ZNF611: variants seen among roughly 807,000 people sequenced by gnomAD.
ZNF611 encodes zinc finger protein 611.
Under a neutral mutation model 8.9 loss-of-function variants are expected in ZNF611, and 6 were observed. That is an observed-to-expected ratio of 0.68 (90% CI 0.37 to 1.34). ZNF611 has a LOEUF of 1.34. ZNF611 is among the 40% of genes most tolerant of loss of function. The pLI is 0.02. For missense variants in ZNF611, 874 were observed against 841.3 expected, an observed-to-expected ratio of 1.04 and a Z score of -0.48; for synonymous variants, 262 against 279.7, an observed-to-expected ratio of 0.94 and a Z score of 0.63.
intron 3 of ZNF611, among the ~76,000 whole-genome samples, chr19:52,721,436 C>T (rs563008662): frequency 5.9e-5 from 9 of 152,290 alleles, no homozygotes; most frequent in Admixed American, 2.0e-4. Flanking sequence ...CCCGGCACCT[C>T]GGGAGGCCAA....
chr19:52,732,648 G>A (rs1600340064), intron 1 of ZNF611, among the ~76,000 whole-genome samples: 3 of 151,420 alleles, frequency 2.0e-5, no homozygotes, highest in South Asian at 2.1e-4. Context: ...TGAGGGCTAA[G>A]TAGGCCAGAC....
At chr19:52,712,456 TAAAAAAAAAAAAAAA>T (rs55649603) in intron 5 of ZNF611, among the ~76,000 whole-genome samples, 1 of 37,436 alleles carries the variant, frequency 2.7e-5, no homozygotes, top group African/African-American at 1.1e-4. Context: ...CTGTCTCTAC[TAAAAAAAAAAAAAAA>T]AAAAAAAAAA....
intron 3 of ZNF611, among the ~76,000 whole-genome samples, chr19:52,726,722 GTT>G (rs56146245): frequency 0.013 from 1,716 of 130,284 alleles, 8 homozygotes; most frequent in Middle Eastern, 0.029. Flanking sequence ...TCGGCCTTGT[GTT>G]TTTTTTTTTT....
At chr19:52,721,669 T>C (rs7258609) in intron 3 of ZNF611, among the ~76,000 whole-genome samples, 8,702 of 137,216 alleles carry the variant, frequency 0.063, 819 homozygotes, top group African/African-American at 0.22. Context: ...CCGTGGAAAG[T>C]GAGAGGGGAA....
chr19:52,714,457 G>T (rs1317439921), intron 4 of ZNF611, among the ~76,000 whole-genome samples: 3 of 151,940 alleles, frequency 2.0e-5, no homozygotes, highest in East Asian at 1.9e-4. Context: ...GGAGGCCAAG[G>T]CGGGCAGATT....
intron 5 of ZNF611, chr19:52,711,164 C>G (rs1465379721): frequency 6.6e-6 from 1 of 151,854 alleles, no homozygotes; most frequent in Non-Finnish European, 1.5e-5. Context: ...AAACCCCCAT[C>G]TCTACTAAAA....
chr19:52,703,408 A>G lies in ZNF611; in HGVS notation c.*1529T>C, dbSNP rs1189402450. 5 of 151,986 alleles carry G rather than the reference A, an allele frequency of 3.3e-5. No homozygotes were observed. Among genetic ancestry groups the G allele is most frequent in the Admixed American group, 2.0e-4 (3 of 15,230 alleles). 9.4% of individuals were successfully genotyped at this position (151,986 alleles called of 1,614,324 possible). ...GCAATTCTCATGCCCCAGCCTCCCA[A>G]GTAGCTGGAACTAAAGGTGCACACC... is the stretch of plus-strand genomic sequence containing the variant. On this transcript the variant is annotated 3_prime_UTR_variant, in exon 6 of 6. Coordinates refer to ENST00000652185, the MANE Select transcript of ZNF611 (RefSeq NM_001161499.2).
chr19:52,718,284 G>T (rs1479007273), intron 3 of ZNF611, among the ~76,000 whole-genome samples: 1 of 152,096 alleles, frequency 6.6e-6, no homozygotes, highest in Non-Finnish European at 1.5e-5. Context: ...AGGTTGCAGT[G>T]AGACGAGATC....
chr19:52,712,859 T>C (rs1203453771), intron 5 of ZNF611, among the ~76,000 whole-genome samples: 2 of 152,072 alleles, frequency 1.3e-5, no homozygotes, highest in African/African-American at 4.8e-5. Flanking sequence ...GAACAAAATG[T>C]GGTACACACA....
chr19:52,722,928 A>C (rs1328834152), intron 3 of ZNF611, among the ~76,000 whole-genome samples: 1 of 98,096 alleles, frequency 1.0e-5, no homozygotes, highest in African/African-American at 3.8e-5. Flanking sequence ...TTTTTTTGAT[A>C]GAGATGGGGG....
intron 3 of ZNF611, among the ~76,000 whole-genome samples, chr19:52,717,470 A>C (rs1212661596): frequency 9.8e-5 from 15 of 152,334 alleles, no homozygotes; most frequent in Admixed American, 9.8e-4. Flanking sequence ...GGAATAGGAA[A>C]GCAGCCTGTG....
chr19:52,727,911 T>TTGC (rs541398179), intron 3 of ZNF611, among the ~76,000 whole-genome samples: 1 of 138,118 alleles, frequency 7.2e-6, no homozygotes, highest in African/African-American at 3.2e-5. Context: ...GTGTGCCTTT[T>TTGC]TTTTTTTTTT....
chr19:52,727,358 G>C (rs1021175439), intron 3 of ZNF611, among the ~76,000 whole-genome samples: 1 of 152,122 alleles, frequency 6.6e-6, no homozygotes, highest in Non-Finnish European at 1.5e-5. Context: ...TGAAAAGAGA[G>C]AAAGAAACGT....
rs1181221093 is a variant in ZNF611 at position 52,714,282 on chromosome 19, T to A, written c.64-141A>T. The A allele has an allele frequency of 2.7e-6, 4 of 1,468,602 alleles. No individual in the cohort carries two copies. In the African/African-American group the frequency reaches 4.3e-5, roughly 16 times the overall value. 91.0% of individuals were successfully genotyped at this position (1,468,602 alleles called of 1,614,324 possible). A position where few individuals can be genotyped will look rare whatever the true frequency, so the allele number is the denominator to read the frequency against. ...AAGGATGTTAAGGTATTTTTGAATATTTTTTCCCTATAGTTGCGTTTTATT... is the reference window on the plus strand; with the variant it reads ...AAGGATGTTAAGGTATTTTTGAATAATTTTTCCCTATAGTTGCGTTTTATT... On this transcript the variant is annotated intron_variant, in intron 4 of 5. Coordinates refer to ENST00000652185, the MANE Select transcript of ZNF611 (RefSeq NM_001161499.2).
intron 5 of ZNF611, among the ~76,000 whole-genome samples, chr19:52,713,316 A>G (rs1300226680): frequency 2.6e-5 from 4 of 152,214 alleles, no homozygotes; most frequent in Admixed American, 1.3e-4. Context: ...AGCTTCCTCA[A>G]TAAGATTGAT....
Position 52,706,672 on chromosome 19 carries a change from G to T in ZNF611, c.383C>A (p.Pro128His). Residue 128 changes from proline (P) to histidine (H), a missense_variant, in exon 6 of 6, where the codon CCC (proline) becomes CAC (histidine). Transcript: ENST00000652185. The part of the protein sequence containing the change: ...QEDERNGLEA[P>H]MTKIKKLTGS... Reference sequence around the variant, plus strand: ...AGTCAACTTTTTTATTTTTGTCATGGGTGCTTCAAGGCCATTTCTTTCATC... The same window carrying T: ...AGTCAACTTTTTTATTTTTGTCATGTGTGCTTCAAGGCCATTTCTTTCATC... 6.2e-7 allele frequency: 1 copy of T among 1,613,780 alleles called. No homozygotes were observed. Among genetic ancestry groups the T allele is most frequent in the East Asian group, 2.2e-5 (1 of 44,878 alleles).
chr19:52,723,352 G>C (rs1418492729), intron 3 of ZNF611: 1 of 150,508 alleles, frequency 6.6e-6, no homozygotes, highest in Non-Finnish European at 1.5e-5. Flanking sequence ...CGCCTCCCAG[G>C]TTCAAGCAAT....
At chr19:52,714,285 T>G (rs2062300231) in intron 4 of ZNF611, 144 bp from the exon 5 acceptor site, 1 of 1,467,734 alleles carries the variant, frequency 6.8e-7, no homozygotes, top group African/African-American at 1.4e-5. Flanking sequence ...TTGAATATTT[T>G]TTCCCTATAG....
At position 52,704,683 on chromosome 19, in the gene ZNF611, C is replaced by T. The variant is rs905984513; in HGVS notation, c.*254G>A. ...ACTGAAGACTTTGTGACAATCATTA[C>T]ATTAGTCAAGTTTCCCTACACCATG... On this transcript the variant is annotated 3_prime_UTR_variant, in exon 6 of 6. Transcript: ENST00000652185. The T allele has an allele frequency of 3.8e-5, 61 of 1,598,232 alleles. No homozygotes were observed. The Admixed American group carries it at 9.7e-4, about 25-fold the overall frequency.
Sources: gnomAD v4.1 joint callset for allele counts (sites outside exome capture counted in the v4.1 genomes callset) on GRCh38, gnomAD v4.1.1 for gene constraint, MANE v1.5 for transcripts, NCBI Gene and HGNC (gene_info 2026-07-23, HGNC 2026-07-21) for gene names.